The following TENM3 variants were observed in gnomAD, a reference collection of about 807,000 sequenced individuals.
TENM3 encodes teneurin-3.
A neutral mutation model predicts 255.1 loss-of-function variants in TENM3; 63 were observed. The observed-to-expected ratio is 0.25, with a 90% CI of 0.20 to 0.30. The LOEUF is 0.30. Ranked by LOEUF, TENM3 falls within the 10% of genes least tolerant of loss-of-function variation. The pLI is 1.00. For synonymous variants in TENM3, 1,306 were observed against 1,322.3 expected (o/e 0.99, Z 0.27); for missense variants, 2,929 against 3,461.1 (o/e 0.85, Z 3.86).
chr4:182,563,315 A>G (rs746654776), intron 3 of TENM3, among the ~76,000 whole-genome samples: 2 of 152,232 alleles, frequency 1.3e-5, no homozygotes, highest in Non-Finnish European at 2.9e-5. Context: ...CTGTAATCCC[A>G]GCTACTTGGG....
intron 3 of TENM3, among the ~76,000 whole-genome samples, chr4:182,563,009 A>G (rs1231092381): frequency 1.3e-5 from 2 of 152,174 alleles, no homozygotes; most frequent in Non-Finnish European, 2.9e-5. Context: ...CTAAGGCACC[A>G]TGTACTCACA....
chr4:181,883,650 A>T, the TENM3 span, among the ~76,000 whole-genome samples: 4 of 151,896 alleles, frequency 2.6e-5, no homozygotes, highest in Non-Finnish European at 2.9e-5. Context: ...AATTTTTTGT[A>T]TTTTTAGTAG....
Position 182,730,891 on chromosome 4 carries a change from G to A in TENM3, c.2719G>A (p.Ala907Thr). ...TRQDGMFDLV[A>T]NGGASLTLVF... The stretch of plus-strand genomic sequence containing the variant: ...GTTCTTTCTTAGGTTTGACTTGGTG[G>A]CAAATGGTGGGGCCTCTCTAACTTT... The change falls in exon 16 of 28, where the codon GCA becomes ACA. Residue 907 changes from alanine to threonine, a missense_variant. By Grantham distance (58) the Ala-to-Thr change is moderately conservative. Transcript: ENST00000511685. The A allele has an allele frequency of 1.2e-6, 2 of 1,613,700 alleles. No individual in the cohort carries two copies. Among genetic ancestry groups the A allele is most frequent in the South Asian group, 1.1e-5 (1 of 91,036 alleles).
chr4:182,730,328 G>C lies in TENM3; in HGVS notation c.2705+9G>C. On this transcript the variant is annotated intron_variant, in intron 15 of 27. Transcript: ENST00000511685. ...ACCCGCCAGGACGGAATGTGAGTTA[G>C]TCCCATCACACTATCTCTGAAGGAT... 1 of 1,613,270 alleles carries C rather than the reference G, an allele frequency of 6.2e-7. No individual in the cohort carries two copies. The highest frequency in any genetic ancestry group is 8.5e-7 in the Non-Finnish European group (1 of 1,179,636).
chr4:182,569,742 G>T (rs1029326369), intron 3 of TENM3, among the ~76,000 whole-genome samples: 1 of 152,136 alleles, frequency 6.6e-6, no homozygotes, highest in Non-Finnish European at 1.5e-5. Context: ...AGGCAAGGCA[G>T]CCAGTGATGA....
At chr4:182,353,197 C>G (rs544282558) in intron 3 of TENM3, among the ~76,000 whole-genome samples, 1 of 152,142 alleles carries the variant, frequency 6.6e-6, no homozygotes, top group South Asian at 2.1e-4. Context: ...TATCCAGGAA[C>G]CTTTTCTGAG....
At chr4:181,845,992 G>A in the TENM3 span, among the ~76,000 whole-genome samples, 1 of 152,136 alleles carries the variant, frequency 6.6e-6, no homozygotes, top group Admixed American at 6.6e-5. Context: ...TTTACGCTAA[G>A]GTTCTTTGTA....
At chr4:182,366,596 A>G (rs1236869505) in intron 3 of TENM3, among the ~76,000 whole-genome samples, 2 of 152,186 alleles carry the variant, frequency 1.3e-5, no homozygotes, top group Non-Finnish European at 2.9e-5. Flanking sequence ...CAGCAATGAG[A>G]CATCAATAAA....
At chr4:182,701,168 A>G (rs1349492546) in intron 12 of TENM3, among the ~76,000 whole-genome samples, 3 of 147,554 alleles carry the variant, frequency 2.0e-5, no homozygotes, top group East Asian at 2.0e-4. Context: ...CCTGAACAAT[A>G]AGGGGTAAAA....
In TENM3 at chr4:182,754,271, C is replaced by G; in HGVS notation, c.4018-114C>G. 1 of 1,108,750 alleles carries G rather than the reference C, an allele frequency of 9.0e-7. No individual in the cohort carries two copies. The highest frequency in any genetic ancestry group is 1.6e-5 in the African/African-American group (1 of 63,282). The allele number at this position is 1,108,750 out of a possible 1,614,324, so 68.7% of individuals were successfully genotyped here. A position where few individuals can be genotyped will look rare whatever the true frequency, so the allele number is the denominator to read the frequency against. On this transcript the variant is annotated intron_variant, in intron 21 of 27. Transcript: ENST00000511685. This position sits in a 1 kb window ranked among gnomAD's most constrained non-coding sequence, Gnocchi z 5.1. ...CTGAGGCTATTGAAAAAACTATTAT[C>G]AGACAGTTTATCTCAGATTAATGCC...
intron 3 of TENM3, among the ~76,000 whole-genome samples, chr4:182,517,586 T>C (rs1354419626): frequency 6.7e-6 from 1 of 148,536 alleles, no homozygotes; most frequent in Non-Finnish European, 1.5e-5. Context: ...GGTTTCACCG[T>C]GTTAGCCAGG....
intron 4 of TENM3, among the ~76,000 whole-genome samples, chr4:182,604,674 A>T (rs1349290321): frequency 1.3e-5 from 2 of 152,192 alleles, no homozygotes; most frequent in African/African-American, 4.8e-5. Flanking sequence ...CGTGAATTAA[A>T]CAGCTTAGTA....
At chr4:182,444,627 G>A (rs1772761249) in intron 3 of TENM3, among the ~76,000 whole-genome samples, 1 of 152,068 alleles carries the variant, frequency 6.6e-6, no homozygotes, top group South Asian at 2.1e-4. Flanking sequence ...GACCTCTTGA[G>A]GTAATTTGAA....
the TENM3 span, among the ~76,000 whole-genome samples, chr4:181,871,779 C>G: frequency 6.6e-6 from 1 of 152,064 alleles, no homozygotes; most frequent in Non-Finnish European, 1.5e-5. Context: ...AAAGGGTGTT[C>G]AGTTTTGTCA....
chr4:181,786,622 G>T, the TENM3 span, among the ~76,000 whole-genome samples: 6 of 152,056 alleles, frequency 3.9e-5, no homozygotes, highest in Non-Finnish European at 7.4e-5. Flanking sequence ...CTGCCAGTCT[G>T]TTCTCTGGTG....
the TENM3 span, among the ~76,000 whole-genome samples, chr4:181,998,464 G>A: frequency 1.1e-4 from 16 of 152,046 alleles, no homozygotes; most frequent in East Asian, 1.9e-4. Context: ...TGTTTCCCCC[G>A]TACCCTAGCC....
At chr4:182,196,945 T>A (rs1753867075) in intron 1 of TENM3, among the ~76,000 whole-genome samples, 1 of 152,154 alleles carries the variant, frequency 6.6e-6, no homozygotes, top group Admixed American at 6.5e-5. Flanking sequence ...GGTCATCTTC[T>A]CGGATGCCAA....
At chr4:182,162,671 G>A (rs1751434945) in intron 1 of TENM3, among the ~76,000 whole-genome samples, 1 of 152,152 alleles carries the variant, frequency 6.6e-6, no homozygotes, top group African/African-American at 2.4e-5. Flanking sequence ...TCAAGGTGCT[G>A]GCAGACTCAG....
intron 3 of TENM3, among the ~76,000 whole-genome samples, chr4:182,445,673 C>T (rs1370922799): frequency 1.3e-5 from 2 of 151,724 alleles, no homozygotes; most frequent in East Asian, 3.9e-4. Flanking sequence ...TAAAAATCTT[C>T]CTCGTGGTGT....
Sources: gnomAD v4.1 joint callset for allele counts (sites outside exome capture counted in the v4.1 genomes callset) on GRCh38, gnomAD v4.1.1 for gene constraint, Gnocchi (gnomAD v3.1) non-coding constraint, MANE v1.5 for transcripts, NCBI Gene and HGNC (gene_info 2026-07-23, HGNC 2026-07-21) for gene names.